The following PCTP variants were observed in gnomAD, a reference collection of about 807,000 sequenced individuals.
PCTP encodes START domain-containing protein 2.
PCTP carries 27 observed loss-of-function variants against 31.0 expected under a neutral mutation model. That is an observed-to-expected ratio of 0.87 (90% confidence interval 0.64 to 1.20). The LOEUF (loss-of-function observed/expected upper bound fraction) is 1.20. Ranked by LOEUF, PCTP falls within the 50% of genes most tolerant of loss-of-function variation. The probability of loss-of-function intolerance (pLI) is 0.00; values close to 1 mark genes in which losing one functional copy is unlikely to be tolerated. For synonymous variants in PCTP, 108 were observed against 101.2 expected (o/e 1.07, Z -0.40); for missense variants, 287 against 268.2 (o/e 1.07, Z -0.49).
chr17:55,792,900 C>T (rs1912052554), intron 3 of PCTP, among the ~76,000 whole-genome samples: 1 of 152,084 alleles, frequency 6.6e-6, no homozygotes, highest in Non-Finnish European at 1.5e-5. Context: ...ACTCTTTGCT[C>T]TGATTTTCTC....
Position 55,776,515 on chromosome 17 carries a change from G to A in PCTP, c.*415G>A, listed in dbSNP as rs762715351. On this transcript the variant is annotated 3_prime_UTR_variant, in exon 6 of 6. Coordinates refer to ENST00000268896, the MANE Select transcript of PCTP (RefSeq NM_021213.4). Reference sequence around the variant, plus strand: ...AAAATTTAAGAATGACTATTTGGGCGGGCTGGCTCTTTTGCAGCTTGTGAT... The same window carrying A: ...AAAATTTAAGAATGACTATTTGGGCAGGCTGGCTCTTTTGCAGCTTGTGAT... 3.9e-5 allele frequency: 48 copies of A among 1,232,098 alleles called. No homozygotes were observed. Among genetic ancestry groups the A allele is most frequent in the African/African-American group, 1.1e-4 (7 of 64,532 alleles). 76.3% of individuals were successfully genotyped at this position (1,232,098 alleles called of 1,614,324 possible).
intron 3 of PCTP, among the ~76,000 whole-genome samples, chr17:55,793,006 T>C (rs1912058276): frequency 6.6e-6 from 1 of 152,058 alleles, no homozygotes; most frequent in African/African-American, 2.4e-5. Context: ...CATCTCCCCA[T>C]GCCCTTCAAC....
At chr17:55,835,322 G>T (rs1332950104) in intron 5 of PCTP, among the ~76,000 whole-genome samples, 2 of 152,144 alleles carry the variant, frequency 1.3e-5, no homozygotes, top group South Asian at 2.1e-4. Context: ...ATGTTGAACT[G>T]CTACCTGTCC....
chr17:55,849,660 T>C, the PCTP span, among the ~76,000 whole-genome samples: 1 of 152,036 alleles, frequency 6.6e-6, no homozygotes. Context: ...AAAATAGCAC[T>C]AATTCTACAC....
intron 1 of PCTP, chr17:55,751,545 G>A (rs1272036391): frequency 7.0e-7 from 1 of 1,421,124 alleles, no homozygotes; most frequent in African/African-American, 1.4e-5. Flanking sequence ...TGGTTCCTAG[G>A]CCCGTGCACA....
chr17:55,802,301 G>A (rs1420553789), intron 3 of PCTP, among the ~76,000 whole-genome samples: 6 of 152,180 alleles, frequency 3.9e-5, no homozygotes, highest in African/African-American at 1.4e-4. Flanking sequence ...AGAGGAGCTG[G>A]TACCATTTCT....
chr17:55,800,737 T>C (rs1273193023), intron 3 of PCTP, among the ~76,000 whole-genome samples: 2 of 152,188 alleles, frequency 1.3e-5, no homozygotes, highest in East Asian at 3.9e-4. Context: ...CTTTTTGCAC[T>C]GTTTTTTTCC....
intron 4 of PCTP, among the ~76,000 whole-genome samples, chr17:55,774,229 A>G (rs940690805): frequency 6.6e-6 from 1 of 152,182 alleles, no homozygotes; most frequent in East Asian, 1.9e-4. Flanking sequence ...GCCTAAGGGT[A>G]GGCAAGAAAG....
In PCTP at chr17:55,833,750, T is replaced by C. The variant is rs74464765; in HGVS notation, n.506-8977T>C. Among the ~76,000 whole-genome samples, 542 of 152,340 alleles carry C rather than the reference T, an allele frequency of 3.6e-3. 1 individual carries two copies. Among genetic ancestry groups the C allele is most frequent in the African/African-American group, 0.012 (514 of 41,574 alleles). On this transcript the variant is annotated intron_variant and non_coding_transcript_variant, in intron 5 of 5. Coordinates refer to the PCTP transcript ENST00000576221. ...TTAATTTTGAATTCTCTTTGCACAA[T>C]GTTATTTAGAAGCAATTGGAATATT...
rs542992770 is a variant in PCTP, at chr17:55,805,201, G to A, written c.317+17547G>A. Among the ~76,000 whole-genome samples the A allele has an allele frequency of 1.2e-4, 19 of 152,018 alleles. No individual in the cohort carries two copies. In the South Asian group the frequency reaches 1.9e-3, roughly 15 times the overall value. ...TCCTCATTATCAAACTATTTTCCTC[G>A]TTTCTTTTTAAACTATTTTATTTTA... On this transcript the variant is annotated intron_variant, in intron 3 of 3. Transcript: ENST00000572536.
intron 1 of PCTP, among the ~76,000 whole-genome samples, chr17:55,755,887 A>C (rs1464247947): frequency 6.6e-6 from 1 of 152,232 alleles, no homozygotes. Flanking sequence ...AGAGTTGTTG[A>C]GCGAGCCACA....
downstream of PCTP, among the ~76,000 whole-genome samples, chr17:55,844,963 T>C (rs1331529759): frequency 2.7e-5 from 4 of 150,410 alleles, no homozygotes; most frequent in East Asian, 7.8e-4. Flanking sequence ...GGCACATACC[T>C]GTAATCCCAG....
intron 5 of PCTP, chr17:55,775,190 C>G: frequency 7.9e-7 from 1 of 1,268,832 alleles, no homozygotes; most frequent in Non-Finnish European, 1.0e-6. Context: ...CTATATTCCT[C>G]TGCTTACTGG....
chr17:55,806,619 G>A (rs1912589777), intron 3 of PCTP, among the ~76,000 whole-genome samples: 1 of 152,104 alleles, frequency 6.6e-6, no homozygotes, highest in South Asian at 2.1e-4. Context: ...ATTCTCTCAA[G>A]TTTCAAGTGA....
In PCTP at chr17:55,841,547, C is replaced by T. The variant is rs576089316; in HGVS notation, n.506-1180C>T. Among the ~76,000 whole-genome samples the T allele has an allele frequency of 4.6e-5, 7 of 152,274 alleles. No homozygotes were observed. In the South Asian group the frequency reaches 1.5e-3, roughly 32 times the overall value. Reference sequence around the variant, plus strand: ...TGGTATTGCCACTGAGAAGAGCTCTCCAGTTTTCTCCTTTACCTCTTTAAT... The same window carrying T: ...TGGTATTGCCACTGAGAAGAGCTCTTCAGTTTTCTCCTTTACCTCTTTAAT... On this transcript the variant is annotated intron_variant and non_coding_transcript_variant, in intron 5 of 5. Transcript: ENST00000576221.
chr17:55,794,852 C>A (rs547317578), intron 3 of PCTP, among the ~76,000 whole-genome samples: 1 of 151,982 alleles, frequency 6.6e-6, no homozygotes, highest in African/African-American at 2.4e-5. Context: ...TGATGAAGTC[C>A]CCAGAGGTTA....
chr17:55,835,454 C>T (rs1905747456), intron 5 of PCTP, among the ~76,000 whole-genome samples: 3 of 152,176 alleles, frequency 2.0e-5, no homozygotes, highest in South Asian at 4.1e-4. Context: ...TTCTACTTTG[C>T]TTCTGGCTTA....
chr17:55,767,663 C>T (rs533160017), intron 2 of PCTP, among the ~76,000 whole-genome samples: 1 of 151,304 alleles, frequency 6.6e-6, no homozygotes, highest in African/African-American at 2.4e-5. Context: ...CAGGGTTTCT[C>T]CATGTTAGTC....
At chr17:55,845,474 C>T (rs1411075672), downstream of PCTP, among the ~76,000 whole-genome samples, 1 of 152,206 alleles carries the variant, frequency 6.6e-6, no homozygotes, top group Non-Finnish European at 1.5e-5. Flanking sequence ...CGGAGGGTTT[C>T]CGCGGGATGC....
Sources: gnomAD v4.1 joint callset for allele counts (sites outside exome capture counted in the v4.1 genomes callset) on GRCh38, gnomAD v4.1.1 for gene constraint, MANE v1.5 for transcripts, NCBI Gene and HGNC (gene_info 2026-07-23, HGNC 2026-07-21) for gene names.